Variants in TPO observed in about 807,000 individuals in gnomAD.
TPO encodes the protein thyroid microsomal antigen.
TPO carries 78 observed loss-of-function variants against 96.9 expected under a neutral mutation model. The ratio of observed to expected loss-of-function variants is 0.81; its 90% confidence interval spans 0.67 to 0.97. The LOEUF is 0.97. Ranked by LOEUF, TPO falls within the 50% of genes least tolerant of loss-of-function variation. The pLI, the probability that TPO is intolerant of heterozygous loss-of-function variation, is 0.00. For synonymous variants in TPO, 547 were observed against 538.0 expected, an observed-to-expected ratio of 1.02 and a Z score of -0.23; for missense variants, 1,252 against 1,274.8, an observed-to-expected ratio of 0.98 and a Z score of 0.27.
chr2:1,397,006 A>G (rs1386453952), intron 1 of TPO, among the ~76,000 whole-genome samples: 1 of 151,306 alleles, frequency 6.6e-6, no homozygotes, highest in Non-Finnish European at 1.5e-5. Flanking sequence ...TCCAAATGAG[A>G]CTTGCTATCC....
intron 1 of TPO, among the ~76,000 whole-genome samples, chr2:1,387,779 G>A (rs913979168): frequency 2.6e-5 from 4 of 152,232 alleles, no homozygotes; most frequent in Non-Finnish European, 4.4e-5. Flanking sequence ...TGGAGGAGGA[G>A]AGGCACTCGA....
At chr2:1,462,125 G>A (rs1558315183) in intron 7 of TPO, among the ~76,000 whole-genome samples, 1 of 152,192 alleles carries the variant, frequency 6.6e-6, no homozygotes, top group African/African-American at 2.4e-5. Context: ...CTTTCGTGGG[G>A]CAGGACTGGG....
intron 1 of TPO, among the ~76,000 whole-genome samples, chr2:1,398,406 C>A (rs963252120): frequency 1.3e-5 from 2 of 152,336 alleles, no homozygotes; most frequent in African/African-American, 4.8e-5. Flanking sequence ...TCCCCAGACA[C>A]CCACACCCCA....
At chr2:1,490,609 T>G (rs1671689738) in intron 10 of TPO, among the ~76,000 whole-genome samples, 1 of 152,220 alleles carries the variant, frequency 6.6e-6, no homozygotes. Context: ...GCGATCACTT[T>G]CTAAAAGATG....
At chr2:1,405,291 C>T (rs1170896754) in intron 1 of TPO, among the ~76,000 whole-genome samples, 2 of 151,802 alleles carry the variant, frequency 1.3e-5, no homozygotes, top group African/African-American at 4.8e-5. Context: ...ACACATCCAT[C>T]CATCCATCAT....
chr2:1,528,641 G>A (rs557974431), intron 15 of TPO, among the ~76,000 whole-genome samples: 2 of 122,748 alleles, frequency 1.6e-5, no homozygotes, highest in South Asian at 5.1e-4. Flanking sequence ...CCCCCACTGT[G>A]TGCAACCTCA....
chr2:1,380,038 G>A (rs140532157), intron 1 of TPO, among the ~76,000 whole-genome samples: 161 of 152,222 alleles, frequency 1.1e-3, no homozygotes, highest in Middle Eastern at 3.4e-3. Context: ...AAAAGATTAC[G>A]TAGAAAATCT....
intron 7 of TPO, among the ~76,000 whole-genome samples, chr2:1,469,184 A>C (rs1193366490): frequency 6.6e-6 from 1 of 152,212 alleles, no homozygotes; most frequent in Non-Finnish European, 1.5e-5. Context: ...CTTAATAATT[A>C]ACCTTCTGAA....
intron 7 of TPO, among the ~76,000 whole-genome samples, chr2:1,467,715 G>A (rs1669032093): frequency 1.3e-5 from 2 of 151,888 alleles, no homozygotes; most frequent in South Asian, 2.1e-4. Flanking sequence ...TTGTTCCAGG[G>A]TATAGTTTAA....
intron 1 of TPO, among the ~76,000 whole-genome samples, chr2:1,385,472 T>G (rs1175094233): frequency 1.3e-5 from 2 of 152,232 alleles, no homozygotes; most frequent in Admixed American, 1.3e-4. Flanking sequence ...ATCAATTTCT[T>G]CTAGATTTTC....
intron 14 of TPO, among the ~76,000 whole-genome samples, chr2:1,515,056 C>A (rs910803466): frequency 6.6e-6 from 1 of 152,172 alleles, no homozygotes; most frequent in Non-Finnish European, 1.5e-5. Context: ...CCAAATCCAG[C>A]CGGAAATGTC....
At chr2:1,422,309 C>CCTGGACCGACCTCGTGCAGGCGCCGCG (rs1558264067) in intron 2 of TPO, among the ~76,000 whole-genome samples, 1,269 of 105,768 alleles carry the variant, frequency 0.012, 26 homozygotes, top group African/African-American at 0.02. Context: ...AGGCGCCTCT[C>CCTGGACCGACCTCGTGCAGGCGCCGCG]CTGGACAGAC....
At chr2:1,515,957 A>T (rs547789335) in intron 14 of TPO, among the ~76,000 whole-genome samples, 1 of 152,256 alleles carries the variant, frequency 6.6e-6, no homozygotes, top group African/African-American at 2.4e-5. Context: ...TTTTCGTTTC[A>T]TCTTGGATTT....
At chr2:1,444,389 G>A (rs1254138735) in intron 5 of TPO, among the ~76,000 whole-genome samples, 2 of 150,252 alleles carry the variant, frequency 1.3e-5, no homozygotes, top group East Asian at 4.1e-4. Context: ...CTTCTTGTTT[G>A]TATGATCCAG....
Position 1,497,991 on chromosome 2 carries a change from C to CAAAAAAAAAAA in TPO, c.2386+1237_2386+1247dup, listed in dbSNP as rs543921082. Among the ~76,000 whole-genome samples the CAAAAAAAAAAA allele has an allele frequency of 1.8e-3, 158 of 87,216 alleles. 7 individuals are homozygous for CAAAAAAAAAAA. The highest frequency in any genetic ancestry group is 7.0e-3 in the African/African-American group (148 of 21,094). The allele number at this position is 87,216 out of a possible 152,430, so 57.2% of individuals were successfully genotyped here. A position where few individuals can be genotyped will look rare whatever the true frequency, so the allele number is the denominator to read the frequency against. ...AGAAAAATAGTGAAACCCCATCTAC[C>CAAAAAAAAAAA]AAAAAAAAAAAAAAAAAAAAAGTGG... On this transcript the variant is annotated intron_variant, in intron 13 of 16. Coordinates refer to ENST00000329066, the MANE Select transcript of TPO (RefSeq NM_001206744.2).
At chr2:1,498,726 C>T (rs28912981) in intron 13 of TPO, among the ~76,000 whole-genome samples, 7,000 of 152,228 alleles carry the variant, frequency 0.046, 562 homozygotes, top group African/African-American at 0.16. Flanking sequence ...ACTACTCTGT[C>T]GGGTGATGAC....
chr2:1,382,291 G>C (rs563376758), intron 1 of TPO, among the ~76,000 whole-genome samples: 1 of 152,256 alleles, frequency 6.6e-6, no homozygotes, highest in East Asian at 1.9e-4. Context: ...TGGCTGGGCA[G>C]CTCCACACAG....
At chr2:1,536,273 C>T (rs1679635815) in intron 15 of TPO, among the ~76,000 whole-genome samples, 1 of 9,220 alleles carries the variant, frequency 1.1e-4, no homozygotes, top group African/African-American at 4.4e-4. Context: ...TCCTCAAATC[C>T]CCCCACTGTG....
chr2:1,525,024 T>TA, intron 15 of TPO, among the ~76,000 whole-genome samples: 1 of 48,722 alleles, frequency 2.1e-5, no homozygotes, highest in Non-Finnish European at 3.6e-5. Flanking sequence ...CCTCGCCAAA[T>TA]CCCCCAACTC....
Sources: gnomAD v4.1 joint callset for allele counts (sites outside exome capture counted in the v4.1 genomes callset) on GRCh38, gnomAD v4.1.1 for gene constraint, MANE v1.5 for transcripts, NCBI Gene and HGNC (gene_info 2026-07-23, HGNC 2026-07-21) for gene names.